The following TMEM35B variants were observed in gnomAD, a reference collection of about 807,000 sequenced individuals.
TMEM35B encodes the protein transmembrane protein 35B.
TMEM35B carries 6 observed loss-of-function variants against 8.7 expected under a neutral mutation model. That is an observed-to-expected ratio of 0.69 (90% CI 0.38 to 1.36). The LOEUF (loss-of-function observed/expected upper bound fraction) is 1.36. Ranked by LOEUF, TMEM35B falls within the 40% of genes most tolerant of loss-of-function variation. The pLI is 0.02. For missense variants in TMEM35B, 176 were observed against 181.6 expected (o/e 0.97, Z 0.18); for synonymous variants, 89 against 87.0 (o/e 1.02, Z -0.13).
intron 2 of TMEM35B, among the ~76,000 whole-genome samples, chr1:34,983,257 T>C (rs1640525775): frequency 6.6e-6 from 1 of 152,170 alleles, no homozygotes; most frequent in Non-Finnish European, 1.5e-5. Flanking sequence ...TAACATGTGA[T>C]AATGTTCTAG....
At chr1:34,983,684 G>T (rs974226764) in intron 2 of TMEM35B, 83 bp downstream of exon 2, 2 of 1,195,618 alleles carry the variant, frequency 1.7e-6, no homozygotes, top group Non-Finnish European at 2.2e-6. Context: ...AAGAAGGGTG[G>T]CAACAGTAAG....
chr1:34,984,327 A>G (rs1640540047), intron 1 of TMEM35B, among the ~76,000 whole-genome samples: 2 of 152,146 alleles, frequency 1.3e-5, no homozygotes, highest in South Asian at 4.1e-4. Context: ...TGTACAGGGA[A>G]TATTTGGAGG....
chr1:34,984,565 C>T (rs1035822795), intron 1 of TMEM35B, among the ~76,000 whole-genome samples: 4 of 152,280 alleles, frequency 2.6e-5, no homozygotes, highest in Admixed American at 1.3e-4. Flanking sequence ...AAGTCTGGCT[C>T]TTTTGAGGGA....
chr1:34,981,985 T>C, exon 3 of TMEM35B: 1 of 1,549,956 alleles, frequency 6.5e-7, no homozygotes, highest in Non-Finnish European at 8.7e-7. Context: ...GTCTTCTTCC[T>C]AGTGGGTCTG....
chr1:34,985,154 G>A, intron 1 of TMEM35B, 44 bp downstream of exon 1: 3 of 1,458,812 alleles, frequency 2.1e-6, no homozygotes, highest in Admixed American at 2.2e-5. Flanking sequence ...CGGAGCACAC[G>A]CCGCCGCGGG....
At chr1:34,983,106 G>A (rs567229563) in intron 2 of TMEM35B, among the ~76,000 whole-genome samples, 87 of 152,292 alleles carry the variant, frequency 5.7e-4, no homozygotes, top group African/African-American at 2.0e-3. Flanking sequence ...CCAGACACAT[G>A]CATCAAATGG....
intron 2 of TMEM35B, among the ~76,000 whole-genome samples, chr1:34,982,718 G>A (rs1377696684): frequency 3.9e-5 from 6 of 152,106 alleles, no homozygotes; most frequent in South Asian, 2.1e-4. Flanking sequence ...CTTGTGATCC[G>A]CCCGCCTCGG....
chr1:34,983,431 C>T (rs1290323881), intron 2 of TMEM35B, among the ~76,000 whole-genome samples: 1 of 151,700 alleles, frequency 6.6e-6, no homozygotes, highest in Non-Finnish European at 1.5e-5. Context: ...ACAAAAAAAT[C>T]AGTCGGGCGC....
Position 34,982,045 on chromosome 1 carries a change from G to A in TMEM35B, c.364C>T (p.Leu122=), listed in dbSNP as rs756219777. The A allele has an allele frequency of 1.5e-4, 229 of 1,549,962 alleles. 2 individuals carry two copies. The South Asian group carries it at 1.6e-3, about 11-fold the overall frequency. The change falls in exon 3 of 3, where the codon CTG becomes TTG. Residue 122 remains leucine (L), a synonymous_variant. Coordinates refer to ENST00000373337, the Ensembl canonical transcript of TMEM35B. The stretch of plus-strand genomic sequence containing the variant: ...AGCTGGCCGACATTCAGCAGCAGCA[G>A]GAACCCCAGGCAGACAATGGCTGGG...
chr1:34,981,619 G>A (rs1236857960), exon 3 of TMEM35B: 1 of 159,150 alleles, frequency 6.3e-6, no homozygotes, highest in Non-Finnish European at 1.4e-5. Context: ...ATATATATCT[G>A]TTTAAAGGCA....
exon 1 of TMEM35B, chr1:34,985,275 G>A: frequency 6.5e-7 from 1 of 1,544,196 alleles, no homozygotes. Context: ...CCGCCCAGCA[G>A]TACACGCAGC....
At chr1:34,982,153 G>A in intron 2 of TMEM35B, 34 bp from the exon 3 acceptor site, 1 of 1,513,062 alleles carries the variant, frequency 6.6e-7, no homozygotes, top group Non-Finnish European at 8.9e-7. Flanking sequence ...GAGGCTCCTT[G>A]GAAGAACCCA....
In TMEM35B at chr1:34,983,736, C is replaced by T. The variant is rs1303514392; in HGVS notation, c.289+31G>A. 5 of 1,446,682 alleles carry T rather than the reference C, an allele frequency of 3.5e-6. No individual in the cohort carries two copies. In the Admixed American group the frequency reaches 1.3e-4, roughly 36 times the overall value. 89.6% of individuals were successfully genotyped at this position (1,446,682 alleles called of 1,614,324 possible). A position where few individuals can be genotyped will look rare whatever the true frequency, so the allele number is the denominator to read the frequency against. ...TTTCCATAATCCTCCCCCAGAAGAC[C>T]CCATTTTCTCAGGCCAGTTGGCCCC... On this transcript the variant is annotated intron_variant, in intron 2 of 2. Coordinates refer to ENST00000373337, the Ensembl canonical transcript of TMEM35B.
exon 1 of TMEM35B, chr1:34,985,255 C>G: frequency 1.3e-6 from 2 of 1,545,744 alleles, no homozygotes; most frequent in Non-Finnish European, 8.7e-7. Flanking sequence ...ACCCCACGAG[C>G]GCGAAGAAGC....
intron 2 of TMEM35B, among the ~76,000 whole-genome samples, chr1:34,983,346 A>C (rs1181516627): frequency 6.6e-6 from 1 of 152,136 alleles, no homozygotes; most frequent in Non-Finnish European, 1.5e-5. Flanking sequence ...TGGGAGGCCA[A>C]GGCGGGCAGA....
chr1:34,985,234 G>A (rs1278704061), exon 1 of TMEM35B: 16 of 1,545,378 alleles, frequency 1.0e-5, no homozygotes, highest in South Asian at 3.6e-5. Flanking sequence ...TCTCCTCCGA[G>A]AGCTTGGCCA....
At chr1:34,984,583 G>A (rs1021346580) in intron 1 of TMEM35B, among the ~76,000 whole-genome samples, 20 of 152,178 alleles carry the variant, frequency 1.3e-4, no homozygotes, top group African/African-American at 4.8e-4. Flanking sequence ...GGACTGGGGA[G>A]ATTGGTGAAC....
chr1:34,981,814 G>T, exon 3 of TMEM35B: 2 of 875,994 alleles, frequency 2.3e-6, no homozygotes, highest in Non-Finnish European at 3.2e-6. Context: ...AGAAAGCAGT[G>T]CCAGGTAGAC....
At chr1:34,984,059 A>C in intron 1 of TMEM35B, 112 bp from the exon 2 acceptor site, 1 of 1,094,186 alleles carries the variant, frequency 9.1e-7, no homozygotes, top group Non-Finnish European at 1.2e-6. Flanking sequence ...GAAAAGAACT[A>C]CTACTCTAGG....
Sources: gnomAD v4.1 joint callset for allele counts (sites outside exome capture counted in the v4.1 genomes callset) on GRCh38, gnomAD v4.1.1 for gene constraint, MANE v1.5 for transcripts, NCBI Gene and HGNC (gene_info 2026-07-23, HGNC 2026-07-21) for gene names.